Variants in PUM2 observed in about 807,000 individuals in gnomAD.
PUM2 encodes pumilio RNA binding family member 2.
In PUM2, 57 loss-of-function variants were observed where a neutral mutation model predicts 124.5. The ratio of observed to expected loss-of-function variants is 0.46; its 90% CI spans 0.37 to 0.57. The LOEUF (loss-of-function observed/expected upper bound fraction) is 0.57. Ranked by LOEUF, PUM2 falls within the 20% of genes least tolerant of loss-of-function variation. PUM2 has a pLI of 0.00. For missense variants in PUM2, 1,065 were observed against 1,290.6 expected, an observed-to-expected ratio of 0.83 and a Z score of 2.68; for synonymous variants, 460 against 446.1, an observed-to-expected ratio of 1.03 and a Z score of -0.39.
chr2:20,268,822 TG>T (rs1281482179), intron 13 of PUM2, among the ~76,000 whole-genome samples: 2 of 152,180 alleles, frequency 1.3e-5, no homozygotes, highest in African/African-American at 4.8e-5. Flanking sequence ...TAAAATTTTT[TG>T]TATGTCTATT....
At chr2:20,280,845 C>A (rs771524108) in intron 12 of PUM2, among the ~76,000 whole-genome samples, 3 of 152,066 alleles carry the variant, frequency 2.0e-5, no homozygotes, top group Non-Finnish European at 4.4e-5. Flanking sequence ...ATTGTAACAA[C>A]ACTTTAAAAA....
chr2:20,276,981 A>T (rs1409231527), intron 13 of PUM2, among the ~76,000 whole-genome samples: 2 of 152,082 alleles, frequency 1.3e-5, no homozygotes, highest in African/African-American at 4.8e-5. Flanking sequence ...CAACCTAAAG[A>T]AAGGTAGAGA....
In PUM2 at chr2:20,327,335, G is replaced by A. The variant is rs1206775490; in HGVS notation, c.26C>T (p.Ala9Val). 1 of 1,581,302 alleles carries A rather than the reference G, an allele frequency of 6.3e-7. No individual in the cohort carries two copies. The highest frequency in any genetic ancestry group is 8.7e-7 in the Non-Finnish European group (1 of 1,151,986). The change falls in exon 2 of 21, where the codon GCA (alanine) becomes GTA (valine). Residue 9 changes from alanine to valine, a missense_variant. Ala to Val is a moderately conservative substitution (Grantham distance 64, BLOSUM62 0). Coordinates refer to ENST00000361078, the MANE Select transcript of PUM2 (RefSeq NM_015317.5). The stretch of plus-strand genomic sequence containing the variant: ...CTCTCCCATTCCCCGAGATTCTAAT[G>A]CAAGAGCTTGAAAATCATGATTCAT... Reference protein sequence around the residue: MNHDFQALALESRGMGELL... With the variant: MNHDFQALVLESRGMGELL...
intron 2 of PUM2, among the ~76,000 whole-genome samples, chr2:20,322,375 G>C (rs927623065): frequency 1.3e-5 from 2 of 152,034 alleles, no homozygotes; most frequent in African/African-American, 4.8e-5. Flanking sequence ...TTGAGCCCAG[G>C]AGCTAGAGAC....
rs780434180 is a variant in PUM2 at position 20,290,714 on chromosome 2, G to A, written c.1229C>T (p.Ala410Val). The stretch of plus-strand genomic sequence containing the variant: ...TGTTGGATTTGCTGCTGCAGCTGCC[G>A]CAAGTGATTCTGCTTGCTGCCCTTG... ...GQQGQQAESLAAAAAANPTLA... is the reference protein window; with the variant it reads ...GQQGQQAESLVAAAAANPTLA... The change falls in exon 10 of 21, where the codon GCG becomes GTG. Residue 410 changes from alanine (A) to valine (V), a missense_variant. Coordinates refer to ENST00000361078, the MANE Select transcript of PUM2 (RefSeq NM_015317.5). 1.7e-5 allele frequency: 27 copies of A among 1,613,464 alleles called. No homozygotes were observed. The highest frequency in any genetic ancestry group is 1.2e-4 in the Admixed American group (7 of 59,678).
rs34057700 is a variant in PUM2 at position 20,308,395 on chromosome 2, C to T, written c.708G>A (p.Gln236=). 8,341 of 1,614,038 alleles carry T rather than the reference C, an allele frequency of 5.2e-3. 351 individuals are homozygous for T. In the African/African-American group the frequency reaches 0.096, roughly 19 times the overall value. Residue 236 remains glutamine, a synonymous_variant, in exon 6 of 21, where the codon CAG becomes CAA. Coordinates refer to ENST00000361078, the MANE Select transcript of PUM2 (RefSeq NM_015317.5). Reference sequence around the variant, plus strand: ...GTACCTGATTACCAGGATAGTCAAACTGTAAGGATTCCAGACCAACTTGTT... The same window carrying T: ...GTACCTGATTACCAGGATAGTCAAATTGTAAGGATTCCAGACCAACTTGTT... ...AMEQVGLESL[Q]FDYPGNQVPM...
At position 20,283,345 on chromosome 2, in the gene PUM2, G is replaced by A. The variant is rs1232575961; in HGVS notation, c.1433C>T (p.Ala478Val). The change falls in exon 11 of 21, where the codon GCT becomes GTT. Residue 478 changes from alanine to valine, a missense_variant and splice_region_variant. Ala to Val is a moderately conservative substitution (Grantham distance 64). Around this residue, in one of 3 missense-constraint regions of PUM2, gnomAD observed 968 missense variants for 1,159.8 expected, o/e 0.83. Transcript: ENST00000361078. The stretch of plus-strand genomic sequence containing the variant: ...CTAAAAATGTCAGTTACACTTACCA[G>A]CTTGTGCTGCTGCTGAACTAATTAA... ...PVLISSAAAQ[A>V]AAAAAAGGTA... 2 of 1,613,810 alleles carry A rather than the reference G, an allele frequency of 1.2e-6. No homozygotes were observed. Among genetic ancestry groups the A allele is most frequent in the African/African-American group, 2.7e-5 (2 of 74,890 alleles).
Position 20,350,720 on chromosome 2 carries a change from A to ACCC in PUM2, c.-143_-142insGGG. On this transcript the variant is annotated 5_prime_UTR_variant, in exon 1 of 21. Transcript: ENST00000361078. Reference sequence around the variant, plus strand: ...GCGGCAATGTCTTCTTTCTCCACCTACCACCCTCCCCCCCCACCCCACCTC... The same window carrying ACCC: ...GCGGCAATGTCTTCTTTCTCCACCTACCCCCACCCTCCCCCCCCACCCCACCTC... 1.1e-6 allele frequency: 1 copy of ACCC among 890,162 alleles called. No individual in the cohort carries two copies. The highest frequency in any genetic ancestry group is 1.3e-6 in the Non-Finnish European group (1 of 764,368). The allele number at this position is 890,162 out of a possible 1,614,324, so 55.1% of individuals were successfully genotyped here. A position where few individuals can be genotyped will look rare whatever the true frequency, so the allele number is the denominator to read the frequency against.
intron 15 of PUM2, among the ~76,000 whole-genome samples, chr2:20,259,666 T>C (rs1301817491): frequency 1.3e-5 from 2 of 152,248 alleles, no homozygotes; most frequent in Non-Finnish European, 2.9e-5. Context: ...ATACCACTTG[T>C]ATTTATCTAC....
At chr2:20,262,967 A>G (rs1666661752) in intron 14 of PUM2, among the ~76,000 whole-genome samples, 1 of 152,240 alleles carries the variant, frequency 6.6e-6, no homozygotes, top group Non-Finnish European at 1.5e-5. Context: ...CTATATTCTC[A>G]TCATAACAAT....
rs1558458565 is a variant in PUM2, at chr2:20,250,781, T to C, written c.*804A>G. ...AAATACAAATTTCCACTCTTTCTCA[T>C]TGCAAACCAAACTGAAAAGTTAATA... On this transcript the variant is annotated 3_prime_UTR_variant, in exon 21 of 21. Coordinates refer to ENST00000361078, the MANE Select transcript of PUM2 (RefSeq NM_015317.5). 1 of 152,732 alleles carries C rather than the reference T, an allele frequency of 6.5e-6. No homozygotes were observed. Among genetic ancestry groups the C allele is most frequent in the East Asian group, 1.9e-4 (1 of 5,192 alleles). 9.5% of individuals were successfully genotyped at this position (152,732 alleles called of 1,614,324 possible).
intron 1 of PUM2, chr2:20,331,858 A>G (rs957577416): frequency 6.6e-6 from 1 of 152,156 alleles, no homozygotes; most frequent in African/African-American, 2.4e-5. Context: ...CCCCTAGTGT[A>G]GGAGTCAACA....
At chr2:20,321,067 G>T (rs1296250395) in intron 2 of PUM2, among the ~76,000 whole-genome samples, 1 of 152,206 alleles carries the variant, frequency 6.6e-6, no homozygotes, top group African/African-American at 2.4e-5. Flanking sequence ...GGTAGTAAAA[G>T]TAATAGCACC....
chr2:20,308,658 TC>T, intron 5 of PUM2, 74 bp from the exon 6 acceptor site: 1 of 1,409,350 alleles, frequency 7.1e-7, no homozygotes, highest in East Asian at 2.3e-5. Flanking sequence ...AATAGAAAAA[TC>T]ATGAAAAACA....
intron 8 of PUM2, among the ~76,000 whole-genome samples, chr2:20,296,355 C>T (rs1297402518): frequency 2.6e-5 from 4 of 151,800 alleles, no homozygotes; most frequent in Admixed American, 2.0e-4. Context: ...ATTAGCCAGG[C>T]GTGGTGGTGG....
chr2:20,350,626 G>A lies in PUM2; in HGVS notation c.-48C>T, dbSNP rs978571870. 3 of 985,354 alleles carry A rather than the reference G, an allele frequency of 3.0e-6. No individual in the cohort carries two copies. The highest frequency in any genetic ancestry group is 1.7e-5 in the African/African-American group (1 of 57,204). 61.0% of individuals were successfully genotyped at this position (985,354 alleles called of 1,614,324 possible). ...CTGCTGCGGCCGCGCTGCCTCAGCC[G>A]GGGACACCGACCGTTGGGCACACGG... On this transcript the variant is annotated 5_prime_UTR_variant, in exon 1 of 21. Transcript: ENST00000361078.
At chr2:20,258,141 A>G (rs1665258991) in intron 16 of PUM2, 102 bp downstream of exon 16, 1 of 1,109,234 alleles carries the variant, frequency 9.0e-7, no homozygotes, top group Non-Finnish European at 1.2e-6. Flanking sequence ...TTGTGGAAAT[A>G]TTTAAGTCTT....
chr2:20,255,028 A>C, intron 18 of PUM2, 44 bp from the exon 19 acceptor site: 1 of 1,577,348 alleles, frequency 6.3e-7, no homozygotes, highest in Non-Finnish European at 8.7e-7. Context: ...GTCATTCCTT[A>C]AGAATGATAT....
At chr2:20,292,307 T>C (rs1469935765) in intron 9 of PUM2, among the ~76,000 whole-genome samples, 1 of 151,536 alleles carries the variant, frequency 6.6e-6, no homozygotes, top group Admixed American at 6.6e-5. Flanking sequence ...TTTTTTTTTT[T>C]TTTTTCCCCA....
Sources: gnomAD v4.1 joint callset for allele counts (sites outside exome capture counted in the v4.1 genomes callset) on GRCh38, gnomAD v4.1.1 for gene constraint, gnomAD v4.1.1 regional missense constraint, MANE v1.5 for transcripts, NCBI Gene and HGNC (gene_info 2026-07-23, HGNC 2026-07-21) for gene names.